DSCAM: variants seen among roughly 807,000 people sequenced by gnomAD.
The protein encoded by DSCAM is DS cell adhesion molecule, also known as cell adhesion molecule DSCAM.
DSCAM carries 47 observed loss-of-function variants against 217.7 expected under a neutral mutation model. The observed-to-expected ratio is 0.22, with a 90% CI of 0.17 to 0.28. The LOEUF is 0.28. Ranked by LOEUF, DSCAM falls within the 10% of genes least tolerant of loss-of-function variation. The pLI, the probability that DSCAM is intolerant of heterozygous loss-of-function variation, is 1.00. For synonymous variants in DSCAM, 1,056 were observed against 1,015.3 expected (o/e 1.04, Z -0.76); for missense variants, 2,080 against 2,618.3 (o/e 0.79, Z 4.49).
chr21:40,698,297 C>G (rs2090616603), intron 2 of DSCAM, among the ~76,000 whole-genome samples: 1 of 152,106 alleles, frequency 6.6e-6, no homozygotes, highest in Non-Finnish European at 1.5e-5. Context: ...GCTCATGCAC[C>G]TAGAAGGTCA....
At chr21:40,017,443 A>G (rs948888129) in intron 32 of DSCAM, among the ~76,000 whole-genome samples, 2 of 152,212 alleles carry the variant, frequency 1.3e-5, no homozygotes, top group African/African-American at 2.4e-5. Context: ...AAATGACCCC[A>G]GCGACACTGG....
chr21:40,178,838 A>G, intron 15 of DSCAM, 89 bp downstream of exon 15: 2 of 1,539,786 alleles, frequency 1.3e-6, no homozygotes, highest in Non-Finnish European at 1.8e-6. Context: ...TAGCACGGGC[A>G]AAGGTCTGCT....
intron 11 of DSCAM, among the ~76,000 whole-genome samples, chr21:40,242,137 C>T (rs1045370122): frequency 4.0e-5 from 6 of 151,686 alleles, no homozygotes; most frequent in Non-Finnish European, 7.4e-5. Flanking sequence ...ATGTGTACCC[C>T]TGAACCTAAA....
At chr21:40,652,933 T>A (rs919974669) in intron 3 of DSCAM, among the ~76,000 whole-genome samples, 4 of 152,148 alleles carry the variant, frequency 2.6e-5, no homozygotes, top group African/African-American at 9.7e-5. Context: ...ATCTGAGCAC[T>A]CTATGTGACT....
chr21:40,414,279 C>T (rs1460307892), intron 3 of DSCAM, among the ~76,000 whole-genome samples: 1 of 152,106 alleles, frequency 6.6e-6, no homozygotes, highest in Non-Finnish European at 1.5e-5. Flanking sequence ...TAGAACTCGA[C>T]TATAAGAAAA....
Position 40,338,373 on chromosome 21 carries a change from G to A in DSCAM, c.1511C>T (p.Pro504Leu), listed in dbSNP as rs1165132400. Residue 504 changes from proline (P) to leucine (L), a missense_variant, in exon 8 of 33, where the codon CCT becomes CTT. Pro to Leu is a moderately conservative substitution (Grantham distance 98, BLOSUM62 -3). This residue lies in a region of DSCAM where 568 missense variants were observed against 678.1 expected (regional missense o/e 0.84). Coordinates refer to ENST00000400454, the MANE Select transcript of DSCAM (RefSeq NM_001389.5). ...GTTTTTCATTGGTCGAATGCTTGCA[G>A]GCCCTGGAGAGACACAAAGAAACTC... ...LYQARINVRG[P>L]ASIRPMKNIT... 2 of 1,609,054 alleles carry A rather than the reference G, an allele frequency of 1.2e-6. No homozygotes were observed. Among genetic ancestry groups the A allele is most frequent in the Admixed American group, 1.7e-5 (1 of 59,870 alleles).
At chr21:40,819,987 G>C (rs1020883375) in intron 1 of DSCAM, among the ~76,000 whole-genome samples, 16 of 152,052 alleles carry the variant, frequency 1.1e-4, no homozygotes, top group African/African-American at 3.9e-4. Flanking sequence ...ACAATTTATG[G>C]AGAAAAATAA....
At chr21:40,691,583 A>C (rs2146447795) in intron 3 of DSCAM, among the ~76,000 whole-genome samples, 1 of 152,342 alleles carries the variant, frequency 6.6e-6, no homozygotes, top group African/African-American at 2.4e-5. Context: ...AAAATGTATA[A>C]GGGAGTCTCT....
At chr21:40,032,428 A>G (rs1163041623) in intron 32 of DSCAM, among the ~76,000 whole-genome samples, 1 of 152,090 alleles carries the variant, frequency 6.6e-6, no homozygotes, top group Non-Finnish European at 1.5e-5. Flanking sequence ...GGATCACAAT[A>G]TTGATGAGCT....
intron 3 of DSCAM, among the ~76,000 whole-genome samples, chr21:40,648,634 T>C (rs2410265): frequency 0.38 from 57,610 of 151,792 alleles, 11,751 homozygotes; most frequent in East Asian, 0.6. Flanking sequence ...CCTAATTAGT[T>C]TTCTACACTG....
intron 3 of DSCAM, among the ~76,000 whole-genome samples, chr21:40,572,059 A>T (rs1207860295): frequency 2.0e-5 from 3 of 150,400 alleles, no homozygotes; most frequent in Admixed American, 6.7e-5. Context: ...ACTTGGGATA[A>T]GGGATACTCA....
At chr21:40,399,049 T>C (rs1258122367) in intron 3 of DSCAM, among the ~76,000 whole-genome samples, 1 of 152,146 alleles carries the variant, frequency 6.6e-6, no homozygotes, top group Non-Finnish European at 1.5e-5. Context: ...GGCAGGCAAG[T>C]AGCTTGAGCC....
intron 10 of DSCAM, among the ~76,000 whole-genome samples, chr21:40,279,791 A>G (rs1295612143): frequency 6.6e-6 from 1 of 152,232 alleles, no homozygotes; most frequent in Non-Finnish European, 1.5e-5. Flanking sequence ...AATACTATGC[A>G]GCCATAAAAT....
rs559408471 is a variant in DSCAM at position 40,512,894 on chromosome 21, T to TTTTA, written c.509-143653_509-143650dup. 2.5e-3 allele frequency among the ~76,000 whole-genome samples: 378 copies of TTTTA among 152,164 alleles called. 4 individuals are homozygous for TTTTA. Among genetic ancestry groups the TTTTA allele is most frequent in the Non-Finnish European group, 1.8e-3 (122 of 68,018 alleles). ...GCCCATTTCCTCCACTAATTTTTAT[T>TTTTA]TTTATTTATTTATTTATTTTTTGAG... On this transcript the variant is annotated intron_variant, in intron 3 of 32. Transcript: ENST00000400454.
In DSCAM at chr21:40,144,576, A is replaced by G. The variant is rs1448713017; in HGVS notation, c.3174T>C (p.Thr1058=). 1 of 1,614,206 alleles carries G rather than the reference A, an allele frequency of 6.2e-7. No homozygotes were observed. Among genetic ancestry groups the G allele is most frequent in the Admixed American group, 1.7e-5 (1 of 60,032 alleles). Residue 1058 remains threonine (T), a synonymous_variant, in exon 17 of 33, where the codon ACT becomes ACC. Transcript: ENST00000400454. This position sits in a 1 kb window ranked among gnomAD's most constrained non-coding sequence, Gnocchi z 4.8. The part of the protein sequence containing the change: ...VYTLDNLNKF[T]QYGLVVQACN... ...AGGCCTGCACCACCAGGCCGTACTG[A>G]GTGAACTTATTCAGGTTGTCCAGGG...
At chr21:40,685,784 C>T (rs1244723285) in intron 3 of DSCAM, among the ~76,000 whole-genome samples, 3 of 152,096 alleles carry the variant, frequency 2.0e-5, no homozygotes, top group Non-Finnish European at 4.4e-5. Flanking sequence ...TAACATCCTG[C>T]AAGATTAAAT....
At chr21:40,264,818 T>C (rs1036202371) in intron 11 of DSCAM, among the ~76,000 whole-genome samples, 3 of 152,184 alleles carry the variant, frequency 2.0e-5, no homozygotes, top group African/African-American at 7.2e-5. Flanking sequence ...ATCTGATAAA[T>C]GAATTCAGTA....
At chr21:40,043,177 C>T (rs1241910283) in intron 31 of DSCAM, among the ~76,000 whole-genome samples, 3 of 152,160 alleles carry the variant, frequency 2.0e-5, no homozygotes, top group African/African-American at 7.2e-5. Context: ...GGCCCCCGAC[C>T]CCTGGGATGC....
chr21:40,049,374 C>CT, intron 30 of DSCAM, among the ~76,000 whole-genome samples: 1 of 152,166 alleles, frequency 6.6e-6, no homozygotes, highest in Admixed American at 6.5e-5. Flanking sequence ...GCTGCCCCCT[C>CT]TGCTCCTGCT....
Sources: allele counts gnomAD v4.1 joint callset (sites outside exome capture counted in the v4.1 genomes callset), GRCh38; gene constraint gnomAD v4.1.1; regional missense constraint gnomAD v4.1.1; non-coding constraint Gnocchi (gnomAD v3.1); transcripts MANE v1.5; gene names NCBI Gene and HGNC (gene_info 2026-07-23, HGNC 2026-07-21).